Variants in NELL1 observed in about 807,000 individuals in gnomAD.
NELL1 encodes the protein protein kinase C-binding protein NELL1.
In NELL1, 76 loss-of-function variants were observed where a neutral mutation model predicts 107.4. The ratio of observed to expected loss-of-function variants is 0.71; its 90% CI spans 0.59 to 0.86. NELL1 has a LOEUF of 0.86. Ranked by LOEUF, NELL1 falls within the 40% of genes least tolerant of loss-of-function variation. NELL1 has a pLI of 0.00. For missense variants in NELL1, 1,024 were observed against 1,005.5 expected (o/e 1.02, Z -0.25); for synonymous variants, 353 against 341.2 (o/e 1.03, Z -0.38).
At chr11:20,859,100 C>G (rs1224309079) in intron 4 of NELL1, among the ~76,000 whole-genome samples, 1 of 152,202 alleles carries the variant, frequency 6.6e-6, no homozygotes, top group Non-Finnish European at 1.5e-5. Context: ...GGACTAGGCC[C>G]ACACCTACAC....
At chr11:21,351,537 G>T (rs201627115) in intron 14 of NELL1, among the ~76,000 whole-genome samples, 1 of 147,826 alleles carries the variant, frequency 6.8e-6, no homozygotes, top group Non-Finnish European at 1.5e-5. Flanking sequence ...AAAAAAAAAA[G>T]AAACTTTTTA....
chr11:20,862,995 T>A (rs1849008478), intron 4 of NELL1, among the ~76,000 whole-genome samples: 1 of 152,100 alleles, frequency 6.6e-6, no homozygotes, highest in Non-Finnish European at 1.5e-5. Context: ...GTCTCCCATG[T>A]CTACTTCTTT....
intron 16 of NELL1, among the ~76,000 whole-genome samples, chr11:21,540,145 G>A (rs1856254774): frequency 6.6e-6 from 1 of 152,092 alleles, no homozygotes; most frequent in Admixed American, 6.6e-5. Flanking sequence ...TATTTGAGGT[G>A]TCTATCACCT....
intron 12 of NELL1, among the ~76,000 whole-genome samples, chr11:20,966,029 G>T (rs1157255391): frequency 1.3e-5 from 2 of 152,120 alleles, no homozygotes; most frequent in African/African-American, 4.8e-5. Context: ...TGAACATCAT[G>T]ATCTACATAG....
chr11:21,457,964 G>A (rs11026096), intron 15 of NELL1, among the ~76,000 whole-genome samples: 97,949 of 151,930 alleles, frequency 0.64, 32,505 homozygotes, highest in Middle Eastern at 0.85. Flanking sequence ...GGTCAGAGGT[G>A]ACATTTGATA....
intron 14 of NELL1, among the ~76,000 whole-genome samples, chr11:21,325,012 T>G (rs1168470334): frequency 1.3e-5 from 2 of 152,122 alleles, no homozygotes; most frequent in Non-Finnish European, 2.9e-5. Flanking sequence ...TATTTTATTT[T>G]TTGCAAGTTG....
At chr11:21,569,207 C>T (rs998515945) in intron 17 of NELL1, among the ~76,000 whole-genome samples, 47 of 121,628 alleles carry the variant, frequency 3.9e-4, no homozygotes, top group Non-Finnish European at 8.2e-4. Context: ...TGGCACATGA[C>T]TTTATTGAAA....
intron 13 of NELL1, among the ~76,000 whole-genome samples, chr11:21,205,581 A>G (rs950675252): frequency 6.6e-6 from 1 of 152,190 alleles, no homozygotes; most frequent in African/African-American, 2.4e-5. Flanking sequence ...TCCACTGAGC[A>G]CTTGGCTCCC....
intron 2 of NELL1, among the ~76,000 whole-genome samples, chr11:20,716,602 T>C (rs1206966220): frequency 6.6e-6 from 1 of 152,200 alleles, no homozygotes; most frequent in Non-Finnish European, 1.5e-5. Flanking sequence ...CACGTTTGTA[T>C]GTGTCCATAT....
At chr11:20,872,018 CAAAAA>C (rs1160968611) in intron 4 of NELL1, among the ~76,000 whole-genome samples, 4 of 41,700 alleles carry the variant, frequency 9.6e-5, no homozygotes, top group Non-Finnish European at 1.6e-4. Context: ...GACTCCGTCT[CAAAAA>C]AAAAAAAAAA....
At chr11:20,881,134 A>T (rs1487844372) in intron 4 of NELL1, among the ~76,000 whole-genome samples, 3 of 152,176 alleles carry the variant, frequency 2.0e-5, no homozygotes, top group Non-Finnish European at 4.4e-5. Flanking sequence ...TTTCCTTCTG[A>T]TAAGTAAGCC....
chr11:20,707,206 C>G (rs951208756), intron 2 of NELL1, among the ~76,000 whole-genome samples: 2 of 152,200 alleles, frequency 1.3e-5, no homozygotes, highest in African/African-American at 4.8e-5. Flanking sequence ...TGGTGTTCAG[C>G]TCTATCAGGT....
chr11:20,682,773 A>G (rs191913183), intron 2 of NELL1, among the ~76,000 whole-genome samples: 144 of 152,146 alleles, frequency 9.5e-4, no homozygotes, highest in Admixed American at 2.5e-3. Flanking sequence ...CTAGGCAATT[A>G]TTGATCTGCT....
At chr11:21,133,180 G>C (rs530247776) in intron 13 of NELL1, among the ~76,000 whole-genome samples, 1 of 152,170 alleles carries the variant, frequency 6.6e-6, no homozygotes, top group Non-Finnish European at 1.5e-5. Flanking sequence ...TTGATGAAGA[G>C]ACCCAAAGTG....
chr11:20,740,312 T>C (rs1011864803), intron 2 of NELL1, among the ~76,000 whole-genome samples: 2 of 152,130 alleles, frequency 1.3e-5, no homozygotes, highest in Non-Finnish European at 2.9e-5. Context: ...AAGGAGAAGG[T>C]CTTCCTGGAT....
chr11:21,238,991 A>G (rs1166805825), intron 14 of NELL1, among the ~76,000 whole-genome samples: 1 of 152,126 alleles, frequency 6.6e-6, no homozygotes, highest in African/African-American at 2.4e-5. Flanking sequence ...GAGAACCATA[A>G]GGGTAGTTAC....
intron 13 of NELL1, among the ~76,000 whole-genome samples, chr11:21,205,308 G>A (rs559929129): frequency 6.6e-6 from 1 of 152,264 alleles, no homozygotes; most frequent in African/African-American, 2.4e-5. Context: ...GAGATGCCCT[G>A]CCTAGAGAGG....
chr11:21,528,145 T>G (rs1241799485), intron 15 of NELL1, among the ~76,000 whole-genome samples: 1 of 152,206 alleles, frequency 6.6e-6, no homozygotes, highest in Non-Finnish European at 1.5e-5. Context: ...ATGTGGGGAT[T>G]ATAAGTTACA....
intron 15 of NELL1, among the ~76,000 whole-genome samples, chr11:21,428,767 A>G (rs1182064017): frequency 1.3e-5 from 2 of 152,232 alleles, no homozygotes; most frequent in Non-Finnish European, 2.9e-5. Flanking sequence ...AAATGTGTCT[A>G]ATTCTCAAAT....
Sources: gnomAD v4.1 joint callset for allele counts (sites outside exome capture counted in the v4.1 genomes callset) on GRCh38, gnomAD v4.1.1 for gene constraint, MANE v1.5 for transcripts, NCBI Gene and HGNC (gene_info 2026-07-23, HGNC 2026-07-21) for gene names.